The following GALK2 variants were observed in gnomAD, a reference collection of about 807,000 sequenced individuals.
GALK2 encodes the protein galactokinase 2, also known as N-acetylgalactosamine kinase.
GALK2 carries 36 observed loss-of-function variants against 52.4 expected under a neutral mutation model. The ratio of observed to expected loss-of-function variants is 0.69; its 90% CI spans 0.53 to 0.91. The LOEUF (loss-of-function observed/expected upper bound fraction) is 0.91, where lower values mean the gene tolerates loss of function less well. GALK2 is among the 40% of genes least tolerant of loss of function. The probability of loss-of-function intolerance (pLI) is 0.00; values close to 1 mark genes in which losing one functional copy is unlikely to be tolerated. For missense variants in GALK2, 579 were observed against 559.1 expected (o/e 1.04, Z -0.36); for synonymous variants, 176 against 199.1 (o/e 0.88, Z 0.98).
intron 5 of GALK2, among the ~76,000 whole-genome samples, chr15:49,279,444 G>A (rs549645625): frequency 5.9e-5 from 9 of 152,264 alleles, no homozygotes; most frequent in African/African-American, 2.2e-4. Context: ...ATTTTGCAGG[G>A]ACTGGTTGAA....
At chr15:49,225,096 C>A in intron 3 of GALK2, 1 of 407,522 alleles carries the variant, frequency 2.5e-6, no homozygotes, top group Admixed American at 2.9e-5. Flanking sequence ...CAGTAGTGGT[C>A]TATAGTGGGG....
chr15:49,332,086 G>GCC (rs60385595), downstream of GALK2, among the ~76,000 whole-genome samples: 1,461 of 92,680 alleles, frequency 0.016, 26 homozygotes, highest in African/African-American at 0.072. Context: ...GTGCACACGT[G>GCC]CCACACACAC....
Position 49,365,065 on chromosome 15 carries a change from A to G in GALK2, c.427-2426A>G, listed in dbSNP as rs887896349. The G allele has an allele frequency of 4.9e-5, 28 of 567,738 alleles. No individual in the cohort carries two copies. The Admixed American group carries it at 7.1e-4, about 14-fold the overall frequency. 35.2% of individuals were successfully genotyped at this position (567,738 alleles called of 1,614,324 possible). ...ATTGTCAATTCAAAAATCAATTTAA[A>G]AAGTCAAAGTCTATTTGTAGAAAAT... is the stretch of plus-strand genomic sequence containing the variant. On this transcript the variant is annotated intron_variant, in intron 3 of 3. Transcript: ENST00000558399.
intron 1 of GALK2, chr15:49,177,687 C>G (rs2085572538): frequency 2.0e-6 from 1 of 504,762 alleles, no homozygotes; most frequent in African/African-American, 2.0e-5. Flanking sequence ...AACTTATGAC[C>G]CTACCAAGGC....
Position 49,283,604 on chromosome 15 carries a change from T to C in GALK2, c.642T>C (p.Asp214=), listed in dbSNP as rs374001931. The C allele has an allele frequency of 7.4e-6, 12 of 1,613,848 alleles. No homozygotes were observed. The African/African-American group carries it at 1.2e-4, about 16-fold the overall frequency. ...LIEFSPLRAT[D]VKLPSGAVFV... ...AATTTAGTCCTCTGAGGGCAACCGATGTAAAACTCCCAAGTGGAGCAGTGT... is the reference window on the plus strand; with the variant it reads ...AATTTAGTCCTCTGAGGGCAACCGACGTAAAACTCCCAAGTGGAGCAGTGT... The change falls in exon 7 of 10, where the codon GAT becomes GAC. Residue 214 remains aspartate, a synonymous_variant. Transcript: ENST00000560031.
chr15:49,340,932 ATT>A lies in GALK2; in HGVS notation c.426+21131_426+21132del, dbSNP rs913206979. Among the ~76,000 whole-genome samples, 20 of 152,116 alleles carry A rather than the reference ATT, an allele frequency of 1.3e-4. 1 individual carries two copies. Among genetic ancestry groups the A allele is most frequent in the Admixed American group, 8.5e-4 (13 of 15,270 alleles). ...TAAATATTTAATCCATTTTGAGTTA[ATT>A]TTTGTATATGATGAAAGGAAAGGGT... On this transcript the variant is annotated intron_variant, in intron 3 of 3. Transcript: ENST00000558399.
At chr15:49,220,923 G>C (rs548420950) in intron 3 of GALK2, among the ~76,000 whole-genome samples, 1 of 152,100 alleles carries the variant, frequency 6.6e-6, no homozygotes, top group African/African-American at 2.4e-5. Context: ...ACTTTTAAAT[G>C]GGATTATTAC....
chr15:49,213,628 A>G (rs2089123116), intron 2 of GALK2, among the ~76,000 whole-genome samples: 2 of 151,680 alleles, frequency 1.3e-5, no homozygotes, highest in Admixed American at 6.6e-5. Context: ...TTTTGTTTTT[A>G]TAATCCATTC....
intron 3 of GALK2, among the ~76,000 whole-genome samples, chr15:49,350,296 T>C (rs1168362611): frequency 2.0e-5 from 3 of 152,194 alleles, no homozygotes; most frequent in Middle Eastern, 3.2e-3. Context: ...ATTTCATTAA[T>C]TTAAATGACC....
At chr15:49,269,893 T>C (rs1354536772) in intron 5 of GALK2, among the ~76,000 whole-genome samples, 5 of 152,264 alleles carry the variant, frequency 3.3e-5, no homozygotes, top group Admixed American at 6.5e-5. Flanking sequence ...CTCCTCCTTT[T>C]GATAGTAGAA....
At chr15:49,231,656 G>C (rs892544447) in intron 3 of GALK2, among the ~76,000 whole-genome samples, 1 of 152,220 alleles carries the variant, frequency 6.6e-6, no homozygotes, top group African/African-American at 2.4e-5. Flanking sequence ...CATACAGTGA[G>C]GGTACAGGCA....
intron 1 of GALK2, among the ~76,000 whole-genome samples, chr15:49,190,414 C>CT (rs1381642370): frequency 6.6e-6 from 1 of 151,978 alleles, no homozygotes; most frequent in African/African-American, 2.4e-5. Context: ...CCTTATTTTA[C>CT]TGTATATGGG....
At chr15:49,197,102 T>G (rs2141286981) in intron 1 of GALK2, among the ~76,000 whole-genome samples, 1 of 152,216 alleles carries the variant, frequency 6.6e-6, no homozygotes, top group East Asian at 1.9e-4. Flanking sequence ...TCTCACTCTC[T>G]AAAGAAAGGT....
rs919316578 is a variant in GALK2, at chr15:49,355,614, C to T, written c.427-11877C>T. 1.3e-4 allele frequency among the ~76,000 whole-genome samples: 20 copies of T among 152,212 alleles called. No individual in the cohort carries two copies. The East Asian group carries it at 1.5e-3, about 12-fold the overall frequency. On this transcript the variant is annotated intron_variant, in intron 3 of 3. Coordinates refer to the GALK2 transcript ENST00000558399. ...GTGAAAAGACCAAATCTACGTCTGA[C>T]TGGTGTACCTGAAAGTGATGGGGAG... is the stretch of plus-strand genomic sequence containing the variant.
downstream of GALK2, among the ~76,000 whole-genome samples, chr15:49,332,694 C>G (rs144549177): frequency 6.6e-6 from 1 of 152,214 alleles, no homozygotes; most frequent in Non-Finnish European, 1.5e-5. Flanking sequence ...TATTTAAAAA[C>G]TATTTTTCCA....
intron 5 of GALK2, among the ~76,000 whole-genome samples, chr15:49,275,996 A>C (rs1214081101): frequency 6.6e-6 from 1 of 152,254 alleles, no homozygotes; most frequent in Admixed American, 6.5e-5. Flanking sequence ...AGTAGCTTTA[A>C]AAGAAGATCT....
At chr15:49,269,964 C>A (rs1364289352) in intron 5 of GALK2, among the ~76,000 whole-genome samples, 1 of 152,240 alleles carries the variant, frequency 6.6e-6, no homozygotes, top group South Asian at 2.1e-4. Context: ...AGCCACACAT[C>A]CACTGTTGTT....
In GALK2 at chr15:49,233,257, G is replaced by A. The variant is rs572614523; in HGVS notation, c.267-2594G>A. Among the ~76,000 whole-genome samples the A allele has an allele frequency of 3.3e-5, 5 of 152,294 alleles. No individual in the cohort carries two copies. The South Asian group carries it at 1.0e-3, about 32-fold the overall frequency. ...CATGGCCAGAGCCAGGAGGAAGAGA[G>A]AGAGGTGGGAAGTGCCACAGACTTT... is the stretch of plus-strand genomic sequence containing the variant. On this transcript the variant is annotated intron_variant, in intron 3 of 9. Transcript: ENST00000560031.
chr15:49,263,820 C>T (rs1438845409), intron 5 of GALK2, among the ~76,000 whole-genome samples: 4 of 141,400 alleles, frequency 2.8e-5, no homozygotes, highest in Admixed American at 1.4e-4. Flanking sequence ...ATTTCTCCTT[C>T]ACTTATGAAG....
Sources: allele counts gnomAD v4.1 joint callset (sites outside exome capture counted in the v4.1 genomes callset), GRCh38; gene constraint gnomAD v4.1.1; transcripts MANE v1.5; gene names NCBI Gene and HGNC (gene_info 2026-07-23, HGNC 2026-07-21).